Variants in MYO9B observed in about 807,000 individuals in gnomAD.
MYO9B encodes the protein unconventional myosin-IXb.
In MYO9B, 71 loss-of-function variants were observed where a neutral mutation model predicts 229.5. The observed-to-expected ratio is 0.31, with a 90% CI of 0.26 to 0.38. MYO9B has a LOEUF of 0.38. MYO9B is among the 10% of genes least tolerant of loss of function. MYO9B has a pLI of 1.00. For missense variants in MYO9B, 2,255 were observed against 2,920.5 expected, an observed-to-expected ratio of 0.77 and a Z score of 5.25; for synonymous variants, 1,185 against 1,235.8, an observed-to-expected ratio of 0.96 and a Z score of 0.86.
intron 1 of MYO9B, among the ~76,000 whole-genome samples, chr19:17,082,768 G>A (rs1274185713): frequency 6.6e-6 from 1 of 152,144 alleles, no homozygotes; most frequent in Non-Finnish European, 1.5e-5. Context: ...CATAGGTGCC[G>A]TGGAAACTGG....
At chr19:17,197,744 C>T (rs2073061525) in intron 22 of MYO9B, 48 bp from the exon 23 acceptor site, 3 of 1,595,588 alleles carry the variant, frequency 1.9e-6, no homozygotes, top group Non-Finnish European at 2.6e-6. Flanking sequence ...AAGAAAATGC[C>T]ACTGACTCAC....
chr19:17,201,962 A>G lies in MYO9B; in HGVS notation c.4600A>G (p.Ser1534Gly). Residue 1534 changes from serine to glycine, a missense_variant, in exon 27 of 40, where the codon AGC becomes GGC. Physicochemically the swap from Ser to Gly is moderately conservative, Grantham distance 56 (BLOSUM62 0). Around this residue, in one of 7 missense-constraint regions of MYO9B, gnomAD observed 416 missense variants for 605.5 expected, o/e 0.69. Coordinates refer to ENST00000682292, the MANE Select transcript of MYO9B (RefSeq NM_004145.4). ...DLRSQKTPIE[S>G]LFIEATEKFR... ...CCGTTCCCAGAAGACGCCCATTGAG[A>G]GCTTGTTTATCGAAGCCACCGAGAA... 3 of 1,606,674 alleles carry G rather than the reference A, an allele frequency of 1.9e-6. No individual in the cohort carries two copies. Among genetic ancestry groups the G allele is most frequent in the Non-Finnish European group, 2.5e-6 (3 of 1,177,354 alleles).
At chr19:17,120,414 G>A (rs930591468) in intron 2 of MYO9B, among the ~76,000 whole-genome samples, 6 of 152,128 alleles carry the variant, frequency 3.9e-5, no homozygotes, top group African/African-American at 1.4e-4. Flanking sequence ...AAGCCAAGGC[G>A]GGAAGATTGC....
intron 16 of MYO9B, 159 bp from the exon 17 acceptor site, chr19:17,184,706 C>G (rs1431556311): frequency 5.8e-6 from 5 of 861,146 alleles, no homozygotes; most frequent in Non-Finnish European, 8.7e-6. Flanking sequence ...CCACTGGGCC[C>G]ACATCAATAG....
At chr19:17,200,492 C>T in intron 25 of MYO9B, 66 bp downstream of exon 25, 1 of 1,524,240 alleles carries the variant, frequency 6.6e-7, no homozygotes, top group Middle Eastern at 2.3e-4. Context: ...CATTCACTGT[C>T]CCCAAACGGG....
chr19:17,091,738 C>T (rs1398716173), intron 1 of MYO9B, among the ~76,000 whole-genome samples: 3 of 152,086 alleles, frequency 2.0e-5, no homozygotes, highest in Non-Finnish European at 4.4e-5. Context: ...CCATCCCACT[C>T]CCAGGGAGGG....
chr19:17,129,816 GGTTT>G (rs995343355), intron 2 of MYO9B, among the ~76,000 whole-genome samples: 14 of 151,792 alleles, frequency 9.2e-5, no homozygotes, highest in South Asian at 2.1e-4. Context: ...TTGGTTTTTT[GGTTT>G]GTTTGTTTGT....
chr19:17,136,516 T>A (rs2072271349), intron 2 of MYO9B, among the ~76,000 whole-genome samples: 1 of 152,134 alleles, frequency 6.6e-6, no homozygotes, highest in African/African-American at 2.4e-5. Flanking sequence ...CTGCAACCCC[T>A]TTTATTTCTG....
chr19:17,134,480 C>T (rs2072245114), intron 2 of MYO9B, among the ~76,000 whole-genome samples: 2 of 142,406 alleles, frequency 1.4e-5, no homozygotes, highest in Non-Finnish European at 1.5e-5. Context: ...CAACCTCTGC[C>T]TCTCGGTTTC....
chr19:17,183,752 G>T, intron 15 of MYO9B, 77 bp from the exon 16 acceptor site: 1 of 1,280,118 alleles, frequency 7.8e-7, no homozygotes, highest in Non-Finnish European at 1.1e-6. Context: ...AACCCGCCAG[G>T]CGTGGCTTGC....
At chr19:17,092,090 T>G (rs1282514853) in intron 1 of MYO9B, among the ~76,000 whole-genome samples, 1 of 152,216 alleles carries the variant, frequency 6.6e-6, no homozygotes, top group East Asian at 1.9e-4. Flanking sequence ...TGAGCTAGCA[T>G]CAGCCGTCCC....
intron 39 of MYO9B, 38 bp from the exon 40 acceptor site, chr19:17,211,857 C>T: frequency 6.2e-7 from 1 of 1,602,656 alleles, no homozygotes; most frequent in Non-Finnish European, 8.5e-7. Flanking sequence ...GCTGCCGGCC[C>T]TGAAGCTGCA....
At chr19:17,175,068 T>G (rs1401650486) in intron 13 of MYO9B, among the ~76,000 whole-genome samples, 1 of 150,722 alleles carries the variant, frequency 6.6e-6, no homozygotes, top group African/African-American at 2.4e-5. Context: ...AGGCCAGCTA[T>G]TTGAGACCAG....
chr19:17,136,832 C>T (rs1246891144), intron 2 of MYO9B, among the ~76,000 whole-genome samples: 1 of 152,204 alleles, frequency 6.6e-6, no homozygotes, highest in African/African-American at 2.4e-5. Context: ...TGGCTCACAC[C>T]TGTAATCTCA....
At position 17,172,133 on chromosome 19, in the gene MYO9B, A is replaced by T. The variant is rs1384749896; in HGVS notation, c.1794-203A>T. On this transcript the variant is annotated intron_variant, in intron 11 of 39. Transcript: ENST00000682292. The surrounding 1 kb of genome is among the most constrained non-coding windows in gnomAD (Gnocchi z 8.2). ...CCAGCCCTCTGCCAGCATGTTCGGC[A>T]TGAGGCAGGCAGGCGCACTGTCATT... Among the ~76,000 whole-genome samples, 1 of 152,072 alleles carries T rather than the reference A, an allele frequency of 6.6e-6. No homozygotes were observed. Among genetic ancestry groups the T allele is most frequent in the Non-Finnish European group, 1.5e-5 (1 of 68,000 alleles).
At chr19:17,209,544 G>A in intron 35 of MYO9B, 42 bp from the exon 36 acceptor site, 1 of 1,553,574 alleles carries the variant, frequency 6.4e-7, no homozygotes, top group African/African-American at 1.4e-5. Context: ...ACGTCCCCGG[G>A]GCGGTAACTG....
chr19:17,207,081 T>C (rs1378546002), intron 34 of MYO9B, 32 bp from the exon 35 acceptor site: 2 of 1,608,110 alleles, frequency 1.2e-6, no homozygotes, highest in South Asian at 1.1e-5. Context: ...CCCTCGGCCC[T>C]AGCCATCCTC....
chr19:17,125,930 G>A (rs957496830), intron 2 of MYO9B, among the ~76,000 whole-genome samples: 6 of 152,144 alleles, frequency 3.9e-5, no homozygotes, highest in Non-Finnish European at 5.9e-5. Flanking sequence ...CCCCACATCC[G>A]CAGGCCAACT....
intron 20 of MYO9B, 32 bp downstream of exon 20, chr19:17,191,251 A>T: frequency 6.3e-7 from 1 of 1,597,840 alleles, no homozygotes; most frequent in Non-Finnish European, 8.5e-7. Context: ...GGCACTACAA[A>T]CCCACACCCT....
Sources: gnomAD v4.1 joint callset for allele counts (sites outside exome capture counted in the v4.1 genomes callset) on GRCh38, gnomAD v4.1.1 for gene constraint, gnomAD v4.1.1 regional missense constraint, Gnocchi (gnomAD v3.1) non-coding constraint, MANE v1.5 for transcripts, NCBI Gene and HGNC (gene_info 2026-07-23, HGNC 2026-07-21) for gene names.